Variants in VGLL1 observed in about 807,000 individuals in gnomAD.
VGLL1 encodes vestigial like family member 1.
A neutral mutation model predicts 12.0 loss-of-function variants in VGLL1; 4 were observed. That is an observed-to-expected ratio of 0.33 (90% CI 0.16 to 0.76). The LOEUF (loss-of-function observed/expected upper bound fraction) is 0.76, where lower values mean the gene tolerates loss of function less well. VGLL1 is among the 30% of genes least tolerant of loss of function. The pLI is 0.60. For synonymous variants in VGLL1, 87 were observed against 81.2 expected (o/e 1.07, Z -0.39); for missense variants, 204 against 208.7 (o/e 0.98, Z 0.14).
intron 2 of VGLL1, among the ~76,000 whole-genome samples, chrX:136,546,428 G>A (rs1293543021): frequency 1.8e-5 from 2 of 111,720 alleles, no homozygotes. Context: ...CCCAAGGCCC[G>A]CTGTTGGATC....
At position 136,548,832 on chromosome X, in the gene VGLL1, G is replaced by A. The variant is rs1569362147; in HGVS notation, c.458G>A (p.Arg153Gln). The change falls in exon 3 of 5, where the codon CGG (arginine) becomes CAG (glutamine). Residue 153 changes from arginine to glutamine, a missense_variant. Coordinates refer to ENST00000370634, the MANE Select transcript of VGLL1 (RefSeq NM_016267.4). Reference protein sequence around the residue: ...EPGYSHPFPARHLVPEPQPDG... With the variant: ...EPGYSHPFPAQHLVPEPQPDG... ...GGCTACTCTCATCCCTTCCCCGCTC[G>A]GCACCTGGTTCCAGAGCCCCAGCCT... 2 of 1,211,950 alleles carry A rather than the reference G, an allele frequency of 1.7e-6. No individual in the cohort carries two copies. Among genetic ancestry groups the A allele is most frequent in the Non-Finnish European group, 2.2e-6 (2 of 895,550 alleles).
At chrX:136,546,074 A>G (rs2075868909) in intron 2 of VGLL1, among the ~76,000 whole-genome samples, 2 of 111,634 alleles carry the variant, frequency 1.8e-5, no homozygotes, top group South Asian at 7.5e-4. Context: ...TGCCTGCATC[A>G]GGGTGTTTCT....
chrX:136,555,328 G>A (rs2075898191), intron 4 of VGLL1, among the ~76,000 whole-genome samples: 1 of 112,319 alleles, frequency 8.9e-6, no homozygotes, highest in Non-Finnish European at 1.9e-5. Context: ...GAAGTGGGCT[G>A]AAGAGTGAAC....
intron 2 of VGLL1, among the ~76,000 whole-genome samples, chrX:136,540,919 T>C (rs771838949): frequency 8.9e-6 from 1 of 112,065 alleles, no homozygotes; most frequent in Admixed American, 9.5e-5. Flanking sequence ...CTCCTCTCTG[T>C]GCCTCAGTTT....
intron 2 of VGLL1, among the ~76,000 whole-genome samples, chrX:136,541,006 T>C (rs941627050): frequency 6.2e-5 from 7 of 112,426 alleles, no homozygotes; most frequent in Admixed American, 9.4e-5. Flanking sequence ...GCATGTCAAG[T>C]GGCACATAGT....
chrX:136,543,977 C>A (rs1164491328), intron 2 of VGLL1, among the ~76,000 whole-genome samples: 1 of 111,805 alleles, frequency 8.9e-6, no homozygotes, highest in African/African-American at 3.3e-5. Flanking sequence ...AAAATATACT[C>A]CTTTTTGGAA....
chrX:136,540,976 T>A (rs929715651), intron 2 of VGLL1, among the ~76,000 whole-genome samples: 2 of 112,063 alleles, frequency 1.8e-5, no homozygotes, highest in Admixed American at 9.4e-5. Context: ...ACTGTGCTTG[T>A]GAGGAGTCAA....
intron 2 of VGLL1, 120 bp downstream of exon 2, chrX:136,536,354 T>C (rs1462614576): frequency 7.1e-6 from 5 of 701,030 alleles, no homozygotes; most frequent in Non-Finnish European, 1.1e-5. Context: ...CAAGTTGCTC[T>C]GACTAGTGAG....
At chrX:136,538,881 A>G (rs1173327173) in intron 2 of VGLL1, among the ~76,000 whole-genome samples, 1 of 90,234 alleles carries the variant, frequency 1.1e-5, no homozygotes, top group African/African-American at 4.3e-5. Flanking sequence ...AAAGGAAATG[A>G]TGTAGAGCTT....
intron 2 of VGLL1, among the ~76,000 whole-genome samples, chrX:136,536,699 G>A (rs185041196): frequency 3.6e-3 from 399 of 112,073 alleles, no homozygotes; most frequent in Non-Finnish European, 5.1e-3. Flanking sequence ...TTTTACACTT[G>A]TATAATTATT....
rs2075824320 is a variant in VGLL1 at position 136,532,282 on chromosome X, G to A, written c.-40G>A. ...TTCCCAGCCACAGAATCAGGTGATG[G>A]TCCAGAATTAAGAGGTAAGAGAATC... On this transcript the variant is annotated 5_prime_UTR_variant, in exon 1 of 5. Transcript: ENST00000370634. 1 of 111,888 alleles carries A rather than the reference G, an allele frequency of 8.9e-6. No individual in the cohort carries two copies. Among genetic ancestry groups the A allele is most frequent in the South Asian group, 3.7e-4 (1 of 2,667 alleles). The allele number at this position is 111,888 out of a possible 1,213,427, so 9.2% of individuals were successfully genotyped here. A position where few individuals can be genotyped will look rare whatever the true frequency, so the allele number is the denominator to read the frequency against.
intron 4 of VGLL1, among the ~76,000 whole-genome samples, chrX:136,554,016 C>T (rs765375750): frequency 8.9e-6 from 1 of 112,323 alleles, no homozygotes; most frequent in Non-Finnish European, 1.9e-5. Context: ...GTTGATATTG[C>T]TAATTGCCAG....
intron 1 of VGLL1, among the ~76,000 whole-genome samples, chrX:136,532,762 T>A (rs771650268): frequency 9.3e-6 from 1 of 107,558 alleles, no homozygotes; most frequent in South Asian, 4.2e-4. Context: ...TGTCTTTGTA[T>A]CTTGTGAGAT....
chrX:136,553,770 G>A (rs780196292), intron 4 of VGLL1, among the ~76,000 whole-genome samples: 23 of 111,924 alleles, frequency 2.1e-4, no homozygotes, highest in Admixed American at 9.5e-4. Context: ...CTGCCCCTCC[G>A]ATATGGCCCT....
intron 4 of VGLL1, 198 bp downstream of exon 4, chrX:136,551,019 T>C: frequency 2.7e-6 from 1 of 372,066 alleles, no homozygotes; most frequent in Non-Finnish European, 4.7e-6. Flanking sequence ...AAAGAGTATA[T>C]GCACTTCCTA....
chrX:136,538,904 G>A (rs1049000233), intron 2 of VGLL1, among the ~76,000 whole-genome samples: 1 of 108,861 alleles, frequency 9.2e-6, no homozygotes, highest in South Asian at 4.2e-4. Flanking sequence ...TGTTAAAATG[G>A]GCAGGAGGGG....
chrX:136,556,425 C>T (rs1231736033), intron 4 of VGLL1, 26 bp from the exon 5 acceptor site: 1 of 1,189,448 alleles, frequency 8.4e-7, no homozygotes, highest in South Asian at 1.8e-5. Context: ...AACTGGCTTT[C>T]ATTAACCATG....
At chrX:136,548,221 G>A (rs1208653885) in intron 2 of VGLL1, among the ~76,000 whole-genome samples, 1 of 111,642 alleles carries the variant, frequency 9.0e-6, no homozygotes, top group Admixed American at 9.5e-5. Context: ...GGCTGGTCTC[G>A]AACTCCTGGC....
At chrX:136,540,168 G>A (rs149736734) in intron 2 of VGLL1, among the ~76,000 whole-genome samples, 1,633 of 111,544 alleles carry the variant, frequency 0.015, 32 homozygotes, top group African/African-American at 0.049. Context: ...CAGAATGGTA[G>A]CATTAAAATG....
Sources: allele counts gnomAD v4.1 joint callset (sites outside exome capture counted in the v4.1 genomes callset), GRCh38; gene constraint gnomAD v4.1.1; transcripts MANE v1.5; gene names NCBI Gene and HGNC (gene_info 2026-07-23, HGNC 2026-07-21).